RTN1: variants seen among roughly 807,000 people sequenced by gnomAD.
RTN1 encodes reticulon 1.
A neutral mutation model predicts 65.5 loss-of-function variants in RTN1; 25 were observed. That is an observed-to-expected ratio of 0.38 (90% CI 0.28 to 0.53). The LOEUF (loss-of-function observed/expected upper bound fraction) is 0.53, where lower values mean the gene tolerates loss of function less well. RTN1 is among the 20% of genes least tolerant of loss of function. RTN1 has a pLI of 0.79. For synonymous variants in RTN1, 471 were observed against 447.6 expected (o/e 1.05, Z -0.66); for missense variants, 983 against 1,025.4 (o/e 0.96, Z 0.57).
In RTN1 at chr14:59,596,750, C is replaced by T. The variant is rs370846575; in HGVS notation, c.2326G>A (p.Glu776Lys). 4.3e-6 allele frequency: 7 copies of T among 1,611,048 alleles called. No individual in the cohort carries two copies. In the African/African-American group the frequency reaches 6.7e-5, roughly 15 times the overall value. ...AKIPGAKRHA[E>K] ...GTCCCCGGTGGGAAATCAGTTTACT[C>T]AGCATGCCTCTTAGCGCCTGGGATT... Residue 776 changes from glutamate to lysine, a missense_variant, in exon 9 of 9, where the codon GAG becomes AAG. Physicochemically the swap from Glu to Lys is moderately conservative, Grantham distance 56 (BLOSUM62 1). Coordinates refer to ENST00000267484, the MANE Select transcript of RTN1 (RefSeq NM_021136.3).
chr14:59,647,383 C>T lies in RTN1; in HGVS notation c.1766-39891G>A, dbSNP rs534699853. Among the ~76,000 whole-genome samples the T allele has an allele frequency of 2.0e-4, 31 of 152,254 alleles. 1 individual carries two copies. The South Asian group carries it at 6.4e-3, about 32-fold the overall frequency. ...TTCAACACTTACTGACAGAACTAGACAGATGATCAAGGCAGAAAATTAACA... is the reference window on the plus strand; with the variant it reads ...TTCAACACTTACTGACAGAACTAGATAGATGATCAAGGCAGAAAATTAACA... On this transcript the variant is annotated intron_variant, in intron 3 of 8. Coordinates refer to ENST00000267484, the MANE Select transcript of RTN1 (RefSeq NM_021136.3).
chr14:59,807,086 G>A (rs1347935720), intron 1 of RTN1, among the ~76,000 whole-genome samples: 2 of 152,216 alleles, frequency 1.3e-5, no homozygotes, highest in African/African-American at 4.8e-5. Context: ...AGTTGGAGAG[G>A]CTGAGAGAGT....
intron 3 of RTN1, among the ~76,000 whole-genome samples, chr14:59,629,686 T>C (rs1385853839): frequency 6.6e-6 from 1 of 152,196 alleles, no homozygotes; most frequent in Non-Finnish European, 1.5e-5. Context: ...TGAATAAAAA[T>C]GGCTGAAAAG....
intron 3 of RTN1, among the ~76,000 whole-genome samples, chr14:59,684,889 A>G (rs1883815953): frequency 1.3e-5 from 2 of 152,050 alleles, no homozygotes; most frequent in Non-Finnish European, 1.5e-5. Context: ...GATGAGAAAT[A>G]TAATACGTGC....
rs975390582 is a variant in RTN1 at position 59,790,013 on chromosome 14, A to C, written c.242-43532T>G. ...AAACTTACGGCTATCGAATGAGATA[A>C]AAAAGGGAAATGCCCGAGCTAAAGC... On this transcript the variant is annotated intron_variant, in intron 1 of 8. Transcript: ENST00000267484. The surrounding 1 kb of genome is among the most constrained non-coding windows in gnomAD (Gnocchi z 4.1). Among the ~76,000 whole-genome samples, 3 of 152,136 alleles carry C rather than the reference A, an allele frequency of 2.0e-5. No homozygotes were observed. Among genetic ancestry groups the C allele is most frequent in the Non-Finnish European group, 4.4e-5 (3 of 67,994 alleles).
chr14:59,597,896 G>C (rs915320652), intron 8 of RTN1, among the ~76,000 whole-genome samples: 3 of 152,120 alleles, frequency 2.0e-5, no homozygotes, highest in Admixed American at 6.5e-5. Context: ...CCGTTTGCTT[G>C]GGGTATGGAC....
Position 59,693,709 on chromosome 14 carries a change from T to A in RTN1, c.1765+33210A>T, listed in dbSNP as rs79146413. 4.6e-3 allele frequency among the ~76,000 whole-genome samples: 696 copies of A among 152,340 alleles called. 5 individuals carry two copies. The highest frequency in any genetic ancestry group is 0.016 in the African/African-American group (672 of 41,570). Reference sequence around the variant, plus strand: ...TATTTTGTTCCTTCCTGGTTTTTACTTTTTTGTACAAGGTATGCTATTAAT... The same window carrying A: ...TATTTTGTTCCTTCCTGGTTTTTACATTTTTGTACAAGGTATGCTATTAAT... On this transcript the variant is annotated intron_variant, in intron 3 of 8. Coordinates refer to ENST00000267484, the MANE Select transcript of RTN1 (RefSeq NM_021136.3).
intron 1 of RTN1, among the ~76,000 whole-genome samples, chr14:59,750,852 T>C (rs1296643517): frequency 2.0e-5 from 3 of 146,606 alleles, no homozygotes; most frequent in Non-Finnish European, 3.0e-5. Flanking sequence ...TAACCGGGAC[T>C]ACAGGCATGC....
chr14:59,767,983 T>C (rs1429700362), intron 1 of RTN1, among the ~76,000 whole-genome samples: 1 of 152,238 alleles, frequency 6.6e-6, no homozygotes, highest in Non-Finnish European at 1.5e-5. Flanking sequence ...ATAGTCACAC[T>C]ATCTGTCAGT....
chr14:59,834,333 C>T (rs574948905), intron 1 of RTN1, among the ~76,000 whole-genome samples: 1 of 152,220 alleles, frequency 6.6e-6, no homozygotes, highest in African/African-American at 2.4e-5. Context: ...ACCAAAAGCA[C>T]ATTCCATAAA....
In RTN1 at chr14:59,803,677, C is replaced by G. The variant is rs953325865; in HGVS notation, c.242-57196G>C. The stretch of plus-strand genomic sequence containing the variant: ...TCATCCAGCTCTTTCTGCCTGGATA[C>G]GTTACACTTTGCTTTTCATTCTAAA... On this transcript the variant is annotated intron_variant, in intron 1 of 8. Coordinates refer to ENST00000267484, the MANE Select transcript of RTN1 (RefSeq NM_021136.3). The surrounding 1 kb of genome is among the most constrained non-coding windows in gnomAD (Gnocchi z 5.6). 6.6e-6 allele frequency among the ~76,000 whole-genome samples: 1 copy of G among 152,172 alleles called. No individual in the cohort carries two copies. The highest frequency in any genetic ancestry group is 1.5e-5 in the Non-Finnish European group (1 of 68,028).
At chr14:59,714,669 G>A (rs543827690) in intron 3 of RTN1, among the ~76,000 whole-genome samples, 8 of 152,318 alleles carry the variant, frequency 5.3e-5, no homozygotes, top group South Asian at 2.1e-4. Flanking sequence ...AATACAGTCC[G>A]TGACTGAGAG....
intron 2 of RTN1, among the ~76,000 whole-genome samples, chr14:59,732,937 T>TGGGAGTG (rs892649189): frequency 3.3e-5 from 5 of 152,122 alleles, no homozygotes; most frequent in African/African-American, 1.2e-4. Context: ...AGCCCCCCGG[T>TGGGAGTG]GGGAGTGGGG....
intron 1 of RTN1, among the ~76,000 whole-genome samples, chr14:59,843,696 C>A (rs1299746268): frequency 1.3e-5 from 2 of 152,116 alleles, no homozygotes; most frequent in Non-Finnish European, 2.9e-5. Context: ...GAAATTTGAG[C>A]ACAATTTATC....
intron 1 of RTN1, among the ~76,000 whole-genome samples, chr14:59,754,471 C>G (rs1236339716): frequency 6.6e-6 from 1 of 152,138 alleles, no homozygotes; most frequent in East Asian, 1.9e-4. Flanking sequence ...ATTGGTGATC[C>G]ATAGCTTAGG....
At chr14:59,858,706 C>T (rs1477355136) in intron 1 of RTN1, among the ~76,000 whole-genome samples, 1 of 151,912 alleles carries the variant, frequency 6.6e-6, no homozygotes. Context: ...ATTAAGCAAC[C>T]CAGGAAACAT....
intron 3 of RTN1, chr14:59,630,603 C>G: frequency 6.3e-7 from 1 of 1,584,462 alleles, no homozygotes; most frequent in South Asian, 1.1e-5. Context: ...CTCGCAGTGG[C>G]CGCGCGGCTG....
Position 59,754,077 on chromosome 14 carries a change from T to C in RTN1, c.242-7596A>G, listed in dbSNP as rs377439957. Among the ~76,000 whole-genome samples the C allele has an allele frequency of 5.3e-5, 8 of 152,318 alleles. No homozygotes were observed. The East Asian group carries it at 1.5e-3, about 29-fold the overall frequency. On this transcript the variant is annotated intron_variant, in intron 1 of 8. Coordinates refer to ENST00000267484, the MANE Select transcript of RTN1 (RefSeq NM_021136.3). ...GGCATTGATTTTCAAAATTTCAATTTGTAATAACTTCAAAAAAGTACTTAT... is the reference window on the plus strand; with the variant it reads ...GGCATTGATTTTCAAAATTTCAATTCGTAATAACTTCAAAAAAGTACTTAT...
intron 3 of RTN1, among the ~76,000 whole-genome samples, chr14:59,609,701 A>T (rs1418374561): frequency 6.6e-6 from 1 of 152,108 alleles, no homozygotes; most frequent in Non-Finnish European, 1.5e-5. Context: ...CCAGGTATTT[A>T]CTCTCTTTGT....
Sources: allele counts gnomAD v4.1 joint callset (sites outside exome capture counted in the v4.1 genomes callset), GRCh38; gene constraint gnomAD v4.1.1; non-coding constraint Gnocchi (gnomAD v3.1); transcripts MANE v1.5; gene names NCBI Gene and HGNC (gene_info 2026-07-23, HGNC 2026-07-21).